NFE2: variants seen among roughly 807,000 people sequenced by gnomAD.
The protein encoded by NFE2 is transcription factor NF-E2 45 kDa subunit.
A neutral mutation model predicts 25.8 loss-of-function variants in NFE2; 13 were observed. The observed-to-expected ratio is 0.50, with a 90% CI of 0.33 to 0.80. The LOEUF (loss-of-function observed/expected upper bound fraction) is 0.80. Among genes scored for constraint, NFE2 ranks in the 30% least tolerant of loss-of-function variants. The probability of loss-of-function intolerance (pLI) is 0.02; values close to 1 mark genes in which losing one functional copy is unlikely to be tolerated. For synonymous variants in NFE2, 204 were observed against 200.2 expected (o/e 1.02, Z -0.16); for missense variants, 382 against 478.9 (o/e 0.80, Z 1.89).
intron 1 of NFE2, chr12:54,300,388 A>G (rs557469088): frequency 2.0e-5 from 3 of 152,508 alleles, no homozygotes; most frequent in African/African-American, 7.2e-5. Context: ...AGTGTTTCCA[A>G]TTCCTCAGCT....
chr12:54,298,547 C>T (rs923717154), intron 1 of NFE2, among the ~76,000 whole-genome samples: 1 of 148,866 alleles, frequency 6.7e-6, no homozygotes, highest in Admixed American at 6.7e-5. Flanking sequence ...TGACCGTGGG[C>T]AAATTGCTTC....
intron 1 of NFE2, among the ~76,000 whole-genome samples, chr12:54,298,992 G>T (rs553178771): frequency 1.3e-5 from 2 of 151,656 alleles, no homozygotes; most frequent in African/African-American, 4.8e-5. Flanking sequence ...TAGAGGTTAC[G>T]GTGAGCTGAG....
At chr12:54,295,992 A>C (rs903175104) in intron 1 of NFE2, among the ~76,000 whole-genome samples, 4 of 152,242 alleles carry the variant, frequency 2.6e-5, no homozygotes, top group Non-Finnish European at 4.4e-5. Flanking sequence ...TCACAGGGTC[A>C]TTTGGGCCAT....
chr12:54,293,454 T>C (rs775342331), intron 2 of NFE2, 73 bp from the exon 3 acceptor site: 168 of 1,370,356 alleles, frequency 1.2e-4, no homozygotes, highest in Non-Finnish European at 1.6e-4. Context: ...AGGAACAAGC[T>C]GGATTCTTCT....
chr12:54,297,926 G>A (rs1250838268), intron 1 of NFE2: 1 of 152,080 alleles, frequency 6.6e-6, no homozygotes, highest in African/African-American at 2.4e-5. Flanking sequence ...GTTGGTGTAG[G>A]CAACTCTGCC....
intron 1 of NFE2, among the ~76,000 whole-genome samples, chr12:54,299,839 TGAG>T (rs1242558955): frequency 6.6e-6 from 1 of 151,822 alleles, no homozygotes; most frequent in Non-Finnish European, 1.5e-5. Flanking sequence ...AGTGAAAGGA[TGAG>T]GAGGGATTAG....
chr12:54,298,268 GA>G (rs1280100576), intron 1 of NFE2, among the ~76,000 whole-genome samples: 1 of 152,068 alleles, frequency 6.6e-6, no homozygotes, highest in Non-Finnish European at 1.5e-5. Context: ...AGCACTTTGG[GA>G]GGCCAAGATG....
In NFE2 at chr12:54,292,469, T is replaced by G; in HGVS notation, c.1027A>C (p.Asn343His). 6.2e-7 allele frequency: 1 copy of G among 1,614,224 alleles called. No individual in the cohort carries two copies. Among genetic ancestry groups the G allele is most frequent in the Non-Finnish European group, 8.5e-7 (1 of 1,180,040 alleles). Residue 343 changes from asparagine (N) to histidine (H), a missense_variant, in exon 3 of 3, where the codon AAC becomes CAC. Asn to His is a moderately conservative substitution (Grantham distance 68, BLOSUM62 1). Coordinates refer to ENST00000435572, the MANE Select transcript of NFE2 (RefSeq NM_001136023.3). ...GCGTACTCTTCAGGAGAGTAGCTGT[T>G]GCCTGATTCATCCCGAAGGTGCTGG... is the stretch of plus-strand genomic sequence containing the variant. ...IFQHLRDESGNSYSPEEYALQ... is the reference protein window; with the variant it reads ...IFQHLRDESGHSYSPEEYALQ...
intron 2 of NFE2, among the ~76,000 whole-genome samples, chr12:54,294,479 T>C (rs1182759309): frequency 6.6e-6 from 1 of 152,004 alleles, no homozygotes; most frequent in African/African-American, 2.4e-5. Context: ...GGGGGGTGGC[T>C]GGGGGCTAAG....
intron 1 of NFE2, 59 bp from the exon 2 acceptor site, chr12:54,295,363 T>C (rs1592180807): frequency 4.0e-6 from 3 of 759,080 alleles, no homozygotes; most frequent in East Asian, 2.7e-5. Flanking sequence ...AAGTTTGCAC[T>C]ACCTCCTTGG....
chr12:54,298,817 G>C (rs1469436430), intron 1 of NFE2, among the ~76,000 whole-genome samples: 2 of 152,106 alleles, frequency 1.3e-5, no homozygotes, highest in East Asian at 3.9e-4. Context: ...TTGGGAGGCT[G>C]AGGTGGGTGG....
rs764115226 is a variant in NFE2, at chr12:54,292,420, G to T, written c.1076C>A (p.Thr359Asn). The change falls in exon 3 of 3, where the codon ACC (threonine) becomes AAC (asparagine). Residue 359 changes from threonine (T) to asparagine (N), a missense_variant. By Grantham distance (65) the Thr-to-Asn change is moderately conservative (BLOSUM62 0). Transcript: ENST00000435572. ...EYALQQAADGTIFLVPRGTKM... is the reference protein window; with the variant it reads ...EYALQQAADGNIFLVPRGTKM... The stretch of plus-strand genomic sequence containing the variant: ...GGTCCCCCGGGGCACAAGGAAGATG[G>T]TCCCATCGGCAGCCTGTTGCAGCGC... 8.7e-5 allele frequency: 141 copies of T among 1,614,084 alleles called. No homozygotes were observed. The highest frequency in any genetic ancestry group is 1.2e-4 in the Non-Finnish European group (141 of 1,180,046).
intron 1 of NFE2, among the ~76,000 whole-genome samples, chr12:54,298,297 C>T (rs914791238): frequency 2.6e-5 from 4 of 151,790 alleles, no homozygotes; most frequent in South Asian, 2.1e-4. Context: ...TACCTGAGGT[C>T]GGGAGTTCAA....
In NFE2 at chr12:54,292,797, C is replaced by A; in HGVS notation, c.699G>T (p.Met233Ile). Residue 233 changes from methionine to isoleucine, a missense_variant, in exon 3 of 3, where the codon ATG becomes ATT. Transcript: ENST00000435572. ...TCTTGTCCGTAGGAAAAGGAATCTTCATGGCCAAGGCCCGACGTTCATCCC... is the reference window on the plus strand; with the variant it reads ...TCTTGTCCGTAGGAAAAGGAATCTTAATGGCCAAGGCCCGACGTTCATCCC... ...GSRDERRALAMKIPFPTDKIV... is the reference protein window; with the variant it reads ...GSRDERRALAIKIPFPTDKIV... 1 of 1,614,222 alleles carries A rather than the reference C, an allele frequency of 6.2e-7. No homozygotes were observed.
chr12:54,293,380 C>G lies in NFE2; in HGVS notation c.116G>C (p.Gly39Ala), dbSNP rs750400571. 22 of 1,487,044 alleles carry G rather than the reference C, an allele frequency of 1.5e-5. No homozygotes were observed. The highest frequency in any genetic ancestry group is 1.8e-5 in the Non-Finnish European group (20 of 1,109,812). 92.1% of individuals were successfully genotyped at this position (1,487,044 alleles called of 1,614,324 possible). A position where few individuals can be genotyped will look rare whatever the true frequency, so the allele number is the denominator to read the frequency against. ...TGATGGCTCACTTGGAGCATTCAGA[C>G]CCTGCAAGGAAAGACACAAAGAGAT... ...QEIMSITELQGLNAPSEPSFE... is the reference protein window; with the variant it reads ...QEIMSITELQALNAPSEPSFE... Residue 39 changes from glycine (G) to alanine (A), a missense_variant and splice_region_variant, in exon 3 of 3, where the codon GGT becomes GCT. Physicochemically the swap from Gly to Ala is moderately conservative, Grantham distance 60 (BLOSUM62 0). Coordinates refer to ENST00000435572, the MANE Select transcript of NFE2 (RefSeq NM_001136023.3).
intron 1 of NFE2, among the ~76,000 whole-genome samples, chr12:54,299,053 A>C (rs576015839): frequency 6.6e-6 from 1 of 150,868 alleles, no homozygotes; most frequent in African/African-American, 2.4e-5. Context: ...TCTGTCTCAA[A>C]AAAAAAAAAA....
Position 54,293,034 on chromosome 12 carries a change from A to G in NFE2, c.462T>C (p.Asp154=), listed in dbSNP as rs747257641. The G allele has an allele frequency of 6.5e-7, 1 of 1,528,158 alleles. No individual in the cohort carries two copies. Among genetic ancestry groups the G allele is most frequent in the Non-Finnish European group, 8.8e-7 (1 of 1,138,456 alleles). 94.7% of individuals were successfully genotyped at this position (1,528,158 alleles called of 1,614,324 possible). ...SDSGLSLNYS[D]AESLELEGTE... is the part of the protein sequence containing the mutation. ...TCCCCTCCAGCTCAAGAGATTCAGCATCGCTATAGTTGAGGGATAATCCTG... is the reference window on the plus strand; with the variant it reads ...TCCCCTCCAGCTCAAGAGATTCAGCGTCGCTATAGTTGAGGGATAATCCTG... The change falls in exon 3 of 3, where the codon GAT becomes GAC. Residue 154 remains aspartate (D), a synonymous_variant. Transcript: ENST00000435572.
chr12:54,294,747 T>TA (rs1944354488), intron 2 of NFE2, among the ~76,000 whole-genome samples: 1 of 152,264 alleles, frequency 6.6e-6, no homozygotes, highest in East Asian at 1.9e-4. Flanking sequence ...ACTGCTCTGT[T>TA]ACCTGGGGTA....
chr12:54,293,337 T>C lies in NFE2; in HGVS notation c.159A>G (p.Pro53=), dbSNP rs1390836843. ...GTGGTGGAGGTCCAAGGTATGGAGC[T>C]GGGGCTTGGGGCTCAAATGATGGCT... ...PSEPSFEPQA[P]APYLGPPPPT... Residue 53 remains proline (P), a synonymous_variant, in exon 3 of 3, where the codon CCA becomes CCG. Transcript: ENST00000435572. The C allele has an allele frequency of 1.9e-6, 3 of 1,559,744 alleles. No individual in the cohort carries two copies. The highest frequency in any genetic ancestry group is 2.6e-6 in the Non-Finnish European group (3 of 1,150,034).
Sources: gnomAD v4.1 joint callset for allele counts (sites outside exome capture counted in the v4.1 genomes callset) on GRCh38, gnomAD v4.1.1 for gene constraint, MANE v1.5 for transcripts, NCBI Gene and HGNC (gene_info 2026-07-23, HGNC 2026-07-21) for gene names.